Variants in RCAN3 observed in about 807,000 individuals in gnomAD.
RCAN3 encodes regulator of calcineurin 3.
RCAN3 carries 19 observed loss-of-function variants against 21.9 expected under a neutral mutation model. That is an observed-to-expected ratio of 0.87 (90% CI 0.61 to 1.27). RCAN3 has a LOEUF of 1.27. Ranked by LOEUF, RCAN3 falls within the 50% of genes most tolerant of loss-of-function variation. RCAN3 has a pLI of 0.00. For missense variants in RCAN3, 240 were observed against 300.1 expected, an observed-to-expected ratio of 0.80 and a Z score of 1.48; for synonymous variants, 114 against 112.3, an observed-to-expected ratio of 1.01 and a Z score of -0.09.
chr1:24,516,236 G>A (rs564608941), intron 2 of RCAN3, among the ~76,000 whole-genome samples: 4 of 152,194 alleles, frequency 2.6e-5, no homozygotes, highest in Admixed American at 1.3e-4. Context: ...AGGCTGTGGC[G>A]GGCAGATCAC....
At chr1:24,516,774 C>T (rs922966814) in intron 2 of RCAN3, among the ~76,000 whole-genome samples, 13 of 152,096 alleles carry the variant, frequency 8.5e-5, no homozygotes, top group African/African-American at 3.1e-4. Context: ...AGCCAGGGAG[C>T]TCTCGGATTG....
At chr1:24,505,625 C>T (rs1647381366) in intron 1 of RCAN3, among the ~76,000 whole-genome samples, 1 of 152,116 alleles carries the variant, frequency 6.6e-6, no homozygotes, top group Admixed American at 6.6e-5. Flanking sequence ...ATATTTTATA[C>T]ACTTTATGTA....
Position 24,515,492 on chromosome 1 carries a change from C to T in RCAN3, c.195+925C>T, listed in dbSNP as rs188341580. On this transcript the variant is annotated intron_variant, in intron 2 of 4. Coordinates refer to ENST00000374395, the MANE Select transcript of RCAN3 (RefSeq NM_013441.4). ...TTGTTTTGTTTTTCCCCGTCATGAC[C>T]TCACAAAAGGCTATAGGTCTTAGTC... 1.1e-4 allele frequency among the ~76,000 whole-genome samples: 17 copies of T among 151,330 alleles called. No homozygotes were observed. In the East Asian group the frequency reaches 3.1e-3, roughly 28 times the overall value.
intron 4 of RCAN3, among the ~76,000 whole-genome samples, chr1:24,534,093 A>G (rs1315504179): frequency 6.6e-6 from 1 of 152,160 alleles, no homozygotes; most frequent in Non-Finnish European, 1.5e-5. Flanking sequence ...AAAATCATAT[A>G]AGAAACCGAT....
At chr1:24,519,568 CTT>C (rs1414973006) in intron 2 of RCAN3, among the ~76,000 whole-genome samples, 1 of 152,046 alleles carries the variant, frequency 6.6e-6, no homozygotes, top group Non-Finnish European at 1.5e-5. Context: ...AAGTACTGCC[CTT>C]TGTATATAAA....
rs145378638 is a variant in RCAN3, at chr1:24,515,611, G to A, written c.195+1044G>A. Among the ~76,000 whole-genome samples the A allele has an allele frequency of 2.8e-3, 422 of 152,148 alleles. 2 individuals are homozygous for A. Among genetic ancestry groups the A allele is most frequent in the African/African-American group, 9.4e-3 (392 of 41,516 alleles). On this transcript the variant is annotated intron_variant, in intron 2 of 4. Coordinates refer to ENST00000374395, the MANE Select transcript of RCAN3 (RefSeq NM_013441.4). ...ATCACTGGCCCTTTAGTTTTCAGCC[G>A]ATGTACCCAAAATATTTCCCTTCCG...
Position 24,514,340 on chromosome 1 carries a change from T to C in RCAN3, c.-33T>C, listed in dbSNP as rs749077571. On this transcript the variant is annotated 5_prime_UTR_variant, in exon 2 of 5. Transcript: ENST00000374395. ...GGGTGCCTGATAGACATCCTAGGACTATACAGAAGGAAAAGGCCCACTTTG... is the reference window on the plus strand; with the variant it reads ...GGGTGCCTGATAGACATCCTAGGACCATACAGAAGGAAAAGGCCCACTTTG... The C allele has an allele frequency of 3.8e-6, 6 of 1,587,670 alleles. No individual in the cohort carries two copies. The highest frequency in any genetic ancestry group is 2.3e-5 in the South Asian group (2 of 86,542).
rs543915296 is a variant in RCAN3 at position 24,537,469 on chromosome 1, C to G, written c.*2192C>G. On this transcript the variant is annotated 3_prime_UTR_variant, in exon 5 of 5. Transcript: ENST00000374395. ...AAATGAACCAGGATCTTAACAGATA[C>G]TATCATCGCTGTCCTTTTTTGGCTG... The G allele has an allele frequency of 6.6e-6, 1 of 152,080 alleles. No individual in the cohort carries two copies. The highest frequency in any genetic ancestry group is 1.5e-5 in the Non-Finnish European group (1 of 68,028). The allele number at this position is 152,080 out of a possible 1,614,324, so 9.4% of individuals were successfully genotyped here. A position where few individuals can be genotyped will look rare whatever the true frequency, so the allele number is the denominator to read the frequency against.
At chr1:24,505,108 C>G (rs1647318570) in intron 1 of RCAN3, among the ~76,000 whole-genome samples, 1 of 151,716 alleles carries the variant, frequency 6.6e-6, no homozygotes, top group Non-Finnish European at 1.5e-5. Flanking sequence ...TAGTACAGTT[C>G]TACCTGTAAG....
At chr1:24,531,422 T>C (rs760734083) in intron 3 of RCAN3, 31 bp downstream of exon 3, 6 of 1,468,332 alleles carry the variant, frequency 4.1e-6, no homozygotes, top group Non-Finnish European at 4.6e-6. Context: ...CACTGTTCTC[T>C]AAACTTGTTT....
intron 2 of RCAN3, among the ~76,000 whole-genome samples, chr1:24,527,234 C>T (rs963460992): frequency 7.2e-5 from 11 of 152,050 alleles, no homozygotes; most frequent in South Asian, 2.1e-4. Flanking sequence ...AGGCTGGTCT[C>T]GAAGTTGATC....
rs570371393 is a variant in RCAN3, at chr1:24,534,877, C to G, written c.542-216C>G. On this transcript the variant is annotated intron_variant, in intron 4 of 4. Transcript: ENST00000374395. ...TAATTAGCATTTGCATTTTAACTCCCAAGACTTCAGTACTGAAACAACATT... is the reference window on the plus strand; with the variant it reads ...TAATTAGCATTTGCATTTTAACTCCGAAGACTTCAGTACTGAAACAACATT... 1.1e-4 allele frequency among the ~76,000 whole-genome samples: 16 copies of G among 152,256 alleles called. No homozygotes were observed. In the South Asian group the frequency reaches 3.3e-3, roughly 32 times the overall value.
chr1:24,535,006 G>T, intron 4 of RCAN3, 87 bp from the exon 5 acceptor site: 1 of 1,230,058 alleles, frequency 8.1e-7, no homozygotes, highest in Non-Finnish European at 1.1e-6. Flanking sequence ...ATTAAAATAG[G>T]AGTAGAACAA....
intron 2 of RCAN3, among the ~76,000 whole-genome samples, chr1:24,516,793 T>C (rs913464212): frequency 6.6e-6 from 1 of 152,110 alleles, no homozygotes. Context: ...TGCACCCGCC[T>C]GGAGATGACC....
At chr1:24,524,734 G>C (rs1649113725) in intron 2 of RCAN3, among the ~76,000 whole-genome samples, 1 of 152,028 alleles carries the variant, frequency 6.6e-6, no homozygotes, top group African/African-American at 2.4e-5. Flanking sequence ...TCTTGCCTTA[G>C]GATGCTAAAG....
At position 24,535,839 on chromosome 1, in the gene RCAN3, T is replaced by C. The variant is rs1650187888; in HGVS notation, c.*562T>C. 1 of 152,242 alleles carries C rather than the reference T, an allele frequency of 6.6e-6. No homozygotes were observed. The highest frequency in any genetic ancestry group is 2.1e-4 in the South Asian group (1 of 4,838). 9.4% of individuals were successfully genotyped at this position (152,242 alleles called of 1,614,324 possible). A position where few individuals can be genotyped will look rare whatever the true frequency, so the allele number is the denominator to read the frequency against. Reference sequence around the variant, plus strand: ...AGAAATCATGGTTCTCAAGTATTTGTTCAATTAGCTTTGGGGAAGAAATGC... The same window carrying C: ...AGAAATCATGGTTCTCAAGTATTTGCTCAATTAGCTTTGGGGAAGAAATGC... On this transcript the variant is annotated 3_prime_UTR_variant, in exon 5 of 5. Coordinates refer to ENST00000374395, the MANE Select transcript of RCAN3 (RefSeq NM_013441.4).
intron 2 of RCAN3, among the ~76,000 whole-genome samples, chr1:24,516,913 A>C (rs970236131): frequency 2.0e-5 from 3 of 152,208 alleles, no homozygotes; most frequent in African/African-American, 7.2e-5. Context: ...TAATTTAGAC[A>C]TTTTGAAATC....
intron 1 of RCAN3, among the ~76,000 whole-genome samples, chr1:24,508,033 T>C (rs778992177): frequency 1.3e-5 from 2 of 151,894 alleles, no homozygotes; most frequent in Non-Finnish European, 1.5e-5. Flanking sequence ...GAGCCGAGAT[T>C]GCGCCAGTGA....
chr1:24,527,115 T>C (rs1054885908), intron 2 of RCAN3, among the ~76,000 whole-genome samples: 4 of 152,176 alleles, frequency 2.6e-5, no homozygotes, highest in African/African-American at 9.7e-5. Context: ...CACTGCAACC[T>C]CTGCCTCCCA....
Sources: allele counts gnomAD v4.1 joint callset (sites outside exome capture counted in the v4.1 genomes callset), GRCh38; gene constraint gnomAD v4.1.1; transcripts MANE v1.5; gene names NCBI Gene and HGNC (gene_info 2026-07-23, HGNC 2026-07-21).